The following ARHGEF38 variants were observed in gnomAD, a reference collection of about 807,000 sequenced individuals.
ARHGEF38 encodes Rho guanine nucleotide exchange factor (GEF) 38.
Under a neutral mutation model 79.9 loss-of-function variants are expected in ARHGEF38, and 79 were observed. The ratio of observed to expected loss-of-function variants is 0.99; its 90% CI spans 0.82 to 1.19. The LOEUF (loss-of-function observed/expected upper bound fraction) is 1.19, where lower values mean the gene tolerates loss of function less well. ARHGEF38 is among the 50% of genes most tolerant of loss of function. The pLI is 0.00. For synonymous variants in ARHGEF38, 366 were observed against 328.3 expected, an observed-to-expected ratio of 1.11 and a Z score of -1.24; for missense variants, 962 against 907.2, an observed-to-expected ratio of 1.06 and a Z score of -0.78.
intron 1 of ARHGEF38, among the ~76,000 whole-genome samples, chr4:105,587,776 C>T (rs1015610900): frequency 1.3e-5 from 2 of 152,104 alleles, no homozygotes; most frequent in African/African-American, 4.8e-5. Flanking sequence ...GGATTATTTC[C>T]TTAGCACTAA....
chr4:105,662,004 G>T (rs922583627), intron 10 of ARHGEF38, among the ~76,000 whole-genome samples: 1 of 152,024 alleles, frequency 6.6e-6, no homozygotes, highest in African/African-American at 2.4e-5. Context: ...TGTGTCAAAG[G>T]GTAAAGACGT....
chr4:105,553,111 A>T, intron 1 of ARHGEF38, 150 bp downstream of exon 1: 1 of 605,846 alleles, frequency 1.7e-6, no homozygotes, highest in Non-Finnish European at 2.7e-6. Context: ...AGTAAATGTG[A>T]CCTATAAATT....
At chr4:105,666,592 T>C (rs1730758680) in intron 11 of ARHGEF38, among the ~76,000 whole-genome samples, 1 of 152,312 alleles carries the variant, frequency 6.6e-6, no homozygotes, top group South Asian at 2.1e-4. Flanking sequence ...TAAATATTTG[T>C]TGAATAAGAT....
intron 1 of ARHGEF38, among the ~76,000 whole-genome samples, chr4:105,578,984 T>A (rs10031193): frequency 0.11 from 16,348 of 152,148 alleles, 932 homozygotes; most frequent in Middle Eastern, 0.17. Flanking sequence ...TATGTTACTG[T>A]TTTATAAGCC....
intron 3 of ARHGEF38, among the ~76,000 whole-genome samples, chr4:105,629,259 G>A (rs918755416): frequency 6.6e-6 from 1 of 152,114 alleles, no homozygotes; most frequent in African/African-American, 2.4e-5. Context: ...TGGCTGGGGA[G>A]GGGTATGTGC....
At chr4:105,654,253 A>T (rs913449875) in intron 8 of ARHGEF38, 84 bp downstream of exon 8, 3 of 786,212 alleles carry the variant, frequency 3.8e-6, no homozygotes, top group Non-Finnish European at 5.6e-6. Context: ...TGAAGAGTAA[A>T]TGTGACTGTT....
At chr4:105,574,647 G>A (rs1221446832) in intron 1 of ARHGEF38, among the ~76,000 whole-genome samples, 2 of 151,536 alleles carry the variant, frequency 1.3e-5, no homozygotes, top group Non-Finnish European at 2.9e-5. Flanking sequence ...TAAGTATGAT[G>A]TTTGCTGTTA....
intron 1 of ARHGEF38, among the ~76,000 whole-genome samples, chr4:105,578,392 A>G (rs1007420826): frequency 6.6e-6 from 1 of 152,180 alleles, no homozygotes; most frequent in African/African-American, 2.4e-5. Flanking sequence ...AAGAATGTAT[A>G]TTCTGCAGTT....
In ARHGEF38 at chr4:105,645,214, G is replaced by A; in HGVS notation, c.701G>A (p.Gly234Asp). 1 of 1,529,110 alleles carries A rather than the reference G, an allele frequency of 6.5e-7. No homozygotes were observed. Among genetic ancestry groups the A allele is most frequent in the Non-Finnish European group, 8.7e-7 (1 of 1,143,782 alleles). 94.7% of individuals were successfully genotyped at this position (1,529,110 alleles called of 1,614,324 possible). ...GGCAAACCAAACTTATTGGACATGG[G>A]CTCTTTGATGATCAAACCAATTCAA... The part of the protein sequence containing the change: ...QEGKPNLLDM[G>D]SLMIKPIQRV... Residue 234 changes from glycine (G) to aspartate (D), a missense_variant, in exon 6 of 14, where the codon GGC becomes GAC. By Grantham distance (94) the Gly-to-Asp change is moderately conservative. Transcript: ENST00000420470.
Position 105,680,247 on chromosome 4 carries a change from T to C in ARHGEF38, c.*2310T>C. The stretch of plus-strand genomic sequence containing the variant: ...ACTAAAATCTGTAGTTATATAATCT[T>C]ACATAAAGCATATGCAAAATAGAAA... On this transcript the variant is annotated 3_prime_UTR_variant, in exon 14 of 14. Transcript: ENST00000420470. 2.5e-6 allele frequency: 1 copy of C among 398,034 alleles called. No homozygotes were observed. Among genetic ancestry groups the C allele is most frequent in the South Asian group, 2.5e-5 (1 of 40,318 alleles). The allele number at this position is 398,034 out of a possible 1,614,324, so 24.7% of individuals were successfully genotyped here.
At position 105,636,361 on chromosome 4, in the gene ARHGEF38, T is replaced by C. The variant is rs755982394; in HGVS notation, c.657-42T>C. 10 of 383,806 alleles carry C rather than the reference T, an allele frequency of 2.6e-5. No homozygotes were observed. The South Asian group carries it at 5.6e-4, about 21-fold the overall frequency. The allele number at this position is 383,806 out of a possible 1,614,324, so 23.8% of individuals were successfully genotyped here. A position where few individuals can be genotyped will look rare whatever the true frequency, so the allele number is the denominator to read the frequency against. ...TAATGTTTGTATATTACCTTAAATATACAGATTTACATGAATTTACTTTCT... is the reference window on the plus strand; with the variant it reads ...TAATGTTTGTATATTACCTTAAATACACAGATTTACATGAATTTACTTTCT... On this transcript the variant is annotated intron_variant, in intron 4 of 13. Transcript: ENST00000420470.
At chr4:105,583,618 A>G (rs1726899019) in intron 1 of ARHGEF38, among the ~76,000 whole-genome samples, 1 of 152,142 alleles carries the variant, frequency 6.6e-6, no homozygotes, top group Non-Finnish European at 1.5e-5. Flanking sequence ...ATTTTTCTCT[A>G]TATCACTTAT....
intron 13 of ARHGEF38, among the ~76,000 whole-genome samples, chr4:105,668,259 G>A (rs1423750254): frequency 6.6e-6 from 1 of 151,672 alleles, no homozygotes; most frequent in Non-Finnish European, 1.5e-5. Flanking sequence ...TCGGCTCACT[G>A]CAACCTCCGC....
At chr4:105,575,776 C>T (rs897649109) in intron 1 of ARHGEF38, among the ~76,000 whole-genome samples, 24 of 152,094 alleles carry the variant, frequency 1.6e-4, no homozygotes, top group African/African-American at 5.8e-4. Context: ...AATTTTTATG[C>T]TTTCAGCCCT....
At chr4:105,603,482 C>T (rs990823236) in intron 2 of ARHGEF38, among the ~76,000 whole-genome samples, 2 of 152,096 alleles carry the variant, frequency 1.3e-5, no homozygotes, top group African/African-American at 2.4e-5. Flanking sequence ...AATAATGTGG[C>T]ACTCTTACAG....
At chr4:105,673,837 A>G (rs1731033798) in intron 13 of ARHGEF38, among the ~76,000 whole-genome samples, 2 of 152,142 alleles carry the variant, frequency 1.3e-5, no homozygotes, top group African/African-American at 4.8e-5. Flanking sequence ...TGCTCGTGTA[A>G]TTAAAACATA....
intron 1 of ARHGEF38, among the ~76,000 whole-genome samples, chr4:105,573,596 G>T (rs1200581474): frequency 2.6e-5 from 4 of 152,234 alleles, no homozygotes; most frequent in African/African-American, 9.6e-5. Context: ...ATTTATGCCA[G>T]TACCACAATA....
Position 105,648,654 on chromosome 4 carries a change from T to C in ARHGEF38, c.980T>C (p.Leu327Pro). ...AAATCAAAAAGAGTGACAAATCATC[T>C]GAAGATTCTGACCAGAGGAGAATCA... ...SKKSKRVTNH[L>P]KILTRGESQV... Residue 327 changes from leucine (L) to proline (P), a missense_variant, in exon 7 of 14, where the codon CTG becomes CCG. Coordinates refer to ENST00000420470, the MANE Select transcript of ARHGEF38 (RefSeq NM_001242729.2). 1 of 1,532,160 alleles carries C rather than the reference T, an allele frequency of 6.5e-7. No individual in the cohort carries two copies. Among genetic ancestry groups the C allele is most frequent in the Non-Finnish European group, 8.7e-7 (1 of 1,145,344 alleles). The allele number at this position is 1,532,160 out of a possible 1,614,324, so 94.9% of individuals were successfully genotyped here.
rs1171603349 is a variant in ARHGEF38 at position 105,679,770 on chromosome 4, TA to T, written c.*1834del. 2.5e-5 allele frequency: 24 copies of T among 955,576 alleles called. No homozygotes were observed. The highest frequency in any genetic ancestry group is 3.9e-5 in the Non-Finnish European group (23 of 587,746). The allele number at this position is 955,576 out of a possible 1,614,324, so 59.2% of individuals were successfully genotyped here. A position where few individuals can be genotyped will look rare whatever the true frequency, so the allele number is the denominator to read the frequency against. ...CTTTCTCTTGGTTGATAAAAACATA[TA>T]CAAACCCCTGTCTGTCCAGCTTTAC... On this transcript the variant is annotated 3_prime_UTR_variant, in exon 14 of 14. Coordinates refer to ENST00000420470, the MANE Select transcript of ARHGEF38 (RefSeq NM_001242729.2).
Sources: allele counts gnomAD v4.1 joint callset (sites outside exome capture counted in the v4.1 genomes callset), GRCh38; gene constraint gnomAD v4.1.1; transcripts MANE v1.5; gene names NCBI Gene and HGNC (gene_info 2026-07-23, HGNC 2026-07-21).